UBAC2: variants seen among roughly 807,000 people sequenced by gnomAD.
UBAC2 encodes UBA domain containing 2.
In UBAC2, 26 loss-of-function variants were observed where a neutral mutation model predicts 44.0. The ratio of observed to expected loss-of-function variants is 0.59; its 90% CI spans 0.43 to 0.82. The LOEUF is 0.82. Ranked by LOEUF, UBAC2 falls within the 40% of genes least tolerant of loss-of-function variation. The pLI is 0.00. For synonymous variants in UBAC2, 155 were observed against 154.3 expected, an observed-to-expected ratio of 1.00 and a Z score of -0.04; for missense variants, 329 against 419.4, an observed-to-expected ratio of 0.78 and a Z score of 1.88.
intron 1 of UBAC2, among the ~76,000 whole-genome samples, chr13:99,210,112 A>C (rs2042920414): frequency 6.6e-6 from 1 of 152,248 alleles, no homozygotes; most frequent in Non-Finnish European, 1.5e-5. Context: ...GGAAGTTTGG[A>C]AAATAGAAAA....
intron 7 of UBAC2, among the ~76,000 whole-genome samples, chr13:99,356,882 TTGTG>T (rs909759200): frequency 6.3e-4 from 96 of 152,322 alleles, no homozygotes; most frequent in African/African-American, 2.2e-3. Context: ...TGTTGCCAGT[TTGTG>T]TGTGGTTCTG....
intron 4 of UBAC2, among the ~76,000 whole-genome samples, chr13:99,285,110 AAT>A (rs1334434037): frequency 6.6e-6 from 1 of 152,150 alleles, no homozygotes; most frequent in Non-Finnish European, 1.5e-5. Flanking sequence ...ATATAACCAT[AAT>A]GTTACCTTAC....
chr13:99,338,039 C>CTTTTTTTTTTTT (rs747905404), intron 6 of UBAC2, among the ~76,000 whole-genome samples: 7 of 91,562 alleles, frequency 7.6e-5, no homozygotes, highest in African/African-American at 2.5e-4. Flanking sequence ...AACTTTTTTT[C>CTTTTTTTTTTTT]TTTTTTTCTT....
At chr13:99,347,319 GCC>G (rs3031439) in intron 7 of UBAC2, among the ~76,000 whole-genome samples, 8,710 of 20,604 alleles carry the variant, frequency 0.42, 2,001 homozygotes, top group Middle Eastern at 0.54. Context: ...ATCCCCGGGC[GCC>G]CCCCCCCCCC....
chr13:99,234,546 A>G (rs1425944230), intron 1 of UBAC2: 1 of 154,152 alleles, frequency 6.5e-6, no homozygotes, highest in Non-Finnish European at 1.4e-5. Flanking sequence ...AACCCTGAGA[A>G]TTAGGTCAGA....
chr13:99,216,118 T>G (rs2042992651), intron 1 of UBAC2, among the ~76,000 whole-genome samples: 1 of 146,002 alleles, frequency 6.8e-6, no homozygotes, highest in Non-Finnish European at 1.5e-5. Context: ...GTGTGTATTT[T>G]TGAGACACAG....
chr13:99,243,633 CG>C (rs1653305508), intron 2 of UBAC2, among the ~76,000 whole-genome samples, 198 bp from the exon 3 acceptor site: 1 of 152,248 alleles, frequency 6.6e-6, no homozygotes, highest in Admixed American at 6.5e-5. Context: ...AAGTACCTTT[CG>C]TGCCACTGTT....
intron 7 of UBAC2, among the ~76,000 whole-genome samples, chr13:99,360,998 C>T (rs1172681713): frequency 6.6e-6 from 1 of 152,152 alleles, no homozygotes; most frequent in Non-Finnish European, 1.5e-5. Flanking sequence ...GTAGACACTG[C>T]CTGACCATCC....
At chr13:99,316,399 TTGAATGAATGAATGAATGGA>T (rs1338490171) in intron 5 of UBAC2, among the ~76,000 whole-genome samples, 2 of 152,096 alleles carry the variant, frequency 1.3e-5, no homozygotes, top group East Asian at 1.9e-4. Context: ...AGGGACATTG[TTGAATGAATGAATGAATGGA>T]TGAATGAATG....
intron 1 of UBAC2, among the ~76,000 whole-genome samples, chr13:99,226,771 A>C (rs935627670): frequency 6.6e-6 from 1 of 152,140 alleles, no homozygotes; most frequent in Admixed American, 6.5e-5. Context: ...GCATGTTTTC[A>C]TCTCAAAGCA....
At chr13:99,339,700 C>T (rs1040334868) in intron 6 of UBAC2, among the ~76,000 whole-genome samples, 1 of 151,784 alleles carries the variant, frequency 6.6e-6, no homozygotes, top group East Asian at 1.9e-4. Context: ...CATAGGAAGC[C>T]TTGAGACTTC....
chr13:99,329,602 TG>T (rs1040587824), intron 6 of UBAC2, among the ~76,000 whole-genome samples: 2 of 152,224 alleles, frequency 1.3e-5, no homozygotes, highest in African/African-American at 4.8e-5. Context: ...CTCTTGCCCT[TG>T]GGGAGCCCAT....
intron 2 of UBAC2, 21 bp downstream of exon 2, chr13:99,238,575 C>T: frequency 2.6e-6 from 4 of 1,560,186 alleles, no homozygotes; most frequent in Non-Finnish European, 3.5e-6. Flanking sequence ...CCTCATTGGC[C>T]CCTGAGAGGA....
At chr13:99,281,828 A>G (rs2043958058) in intron 4 of UBAC2, among the ~76,000 whole-genome samples, 1 of 152,198 alleles carries the variant, frequency 6.6e-6, no homozygotes, top group Non-Finnish European at 1.5e-5. Flanking sequence ...TTGCTGGCTA[A>G]TTGTGAAAGG....
intron 5 of UBAC2, among the ~76,000 whole-genome samples, chr13:99,316,414 AATGG>A (rs1185990367): frequency 6.6e-6 from 1 of 152,066 alleles, no homozygotes; most frequent in African/African-American, 2.4e-5. Flanking sequence ...TGAATGAATG[AATGG>A]ATGAATGAAT....
intron 7 of UBAC2, among the ~76,000 whole-genome samples, chr13:99,355,831 G>A (rs552071166): frequency 2.2e-4 from 33 of 152,302 alleles, no homozygotes; most frequent in African/African-American, 5.5e-4. Context: ...GGGCAGCGGC[G>A]GCACAGACCC....
chr13:99,266,273 G>A (rs2138655243), intron 4 of UBAC2, among the ~76,000 whole-genome samples: 1 of 151,726 alleles, frequency 6.6e-6, no homozygotes, highest in South Asian at 2.1e-4. Flanking sequence ...CTAAAACAAG[G>A]TGGCCAATCT....
At chr13:99,239,987 A>G (rs1202692067) in intron 2 of UBAC2, among the ~76,000 whole-genome samples, 1 of 152,162 alleles carries the variant, frequency 6.6e-6, no homozygotes, top group African/African-American at 2.4e-5. Flanking sequence ...ATTAGCAATG[A>G]AGAGAGGGAA....
chr13:99,245,580 G>A (rs1013913817), intron 4 of UBAC2, among the ~76,000 whole-genome samples: 3 of 152,298 alleles, frequency 2.0e-5, no homozygotes, highest in East Asian at 3.9e-4. Flanking sequence ...CAGGCCGGGC[G>A]CGGTGGCTCA....
Sources: gnomAD v4.1 joint callset for allele counts (sites outside exome capture counted in the v4.1 genomes callset) on GRCh38, gnomAD v4.1.1 for gene constraint, MANE v1.5 for transcripts, NCBI Gene and HGNC (gene_info 2026-07-23, HGNC 2026-07-21) for gene names.